IER3: variants seen among roughly 807,000 people sequenced by gnomAD.
The protein encoded by IER3 is radiation-inducible immediate-early gene IEX-1.
A neutral mutation model predicts 5.4 loss-of-function variants in IER3; 5 were observed. That is an observed-to-expected ratio of 0.92 (90% CI 0.48 to 1.94). The LOEUF (loss-of-function observed/expected upper bound fraction) is 1.94. Ranked by LOEUF, IER3 falls within the 30% of genes most tolerant of loss-of-function variation. The probability of loss-of-function intolerance (pLI) is 0.01; values close to 1 mark genes in which losing one functional copy is unlikely to be tolerated. For missense variants in IER3, 158 were observed against 218.2 expected (o/e 0.72, Z 1.74); for synonymous variants, 81 against 97.8 (o/e 0.83, Z 1.01).
At position 30,743,926 on chromosome 6, in the gene IER3, G is replaced by A. The variant is rs922034023; in HGVS notation, c.*10C>T. On this transcript the variant is annotated 3_prime_UTR_variant, in exon 2 of 2. Coordinates refer to ENST00000259874, the MANE Select transcript of IER3 (RefSeq NM_003897.4). The surrounding 1 kb of genome is among the most constrained non-coding windows in gnomAD (Gnocchi z 6.5). ...TTCGGATTCTTTTTGGGGAGTGCGG[G>A]GAGTCACAGTTAGAAGGCGGCCGGG... 3.1e-6 allele frequency: 5 copies of A among 1,606,174 alleles called. No homozygotes were observed. Among genetic ancestry groups the A allele is most frequent in the South Asian group, 1.1e-5 (1 of 90,394 alleles).
In IER3 at chr6:30,744,426, G is replaced by A. The variant is rs1282951196; in HGVS notation, c.93C>T (p.Ser31=). 6.5e-7 allele frequency: 1 copy of A among 1,549,188 alleles called. No individual in the cohort carries two copies. Among genetic ancestry groups the A allele is most frequent in the Non-Finnish European group, 8.7e-7 (1 of 1,154,508 alleles). ...GGTCGAAGGTGAAGATCTCAGGACC[G>A]GAGCCCCGCCGGGGTCCCGGGATGG... is the stretch of plus-strand genomic sequence containing the variant. ...PSTIPGPRRG[S]GPEIFTFDPL... Residue 31 remains serine (S), a synonymous_variant, in exon 1 of 2, where the codon TCC becomes TCT. Transcript: ENST00000259874. This position sits in a 1 kb window ranked among gnomAD's most constrained non-coding sequence, Gnocchi z 6.0.
Position 30,744,289 on chromosome 6 carries a change from C to T in IER3, c.210+20G>A, listed in dbSNP as rs1778240739. On this transcript the variant is annotated intron_variant, in intron 1 of 1. Coordinates refer to ENST00000259874, the MANE Select transcript of IER3 (RefSeq NM_003897.4). This position sits in a 1 kb window ranked among gnomAD's most constrained non-coding sequence, Gnocchi z 6.0. Reference sequence around the variant, plus strand: ...TCCAGGGCAGCGCACCCCGCGAATGCCCACTTCGGCGATACTCACCACTCG... The same window carrying T: ...TCCAGGGCAGCGCACCCCGCGAATGTCCACTTCGGCGATACTCACCACTCG... 1.9e-6 allele frequency: 3 copies of T among 1,612,664 alleles called. No homozygotes were observed. Among genetic ancestry groups the T allele is most frequent in the African/African-American group, 1.3e-5 (1 of 74,940 alleles).
In IER3 at chr6:30,744,472, G is replaced by T. The variant is rs200029214; in HGVS notation, c.47C>A (p.Ala16Asp). ...GATGGTGGAGGGGGCCGGGGTCGGG[G>T]CCTGCAGGATGGTCATGGTCGGGTG... is the stretch of plus-strand genomic sequence containing the variant. ...SCHPTMTILQ[A>D]PTPAPSTIPG... Residue 16 changes from alanine to aspartate, a missense_variant, in exon 1 of 2, where the codon GCC (alanine) becomes GAC (aspartate). Physicochemically the swap from Ala to Asp is moderately radical, Grantham distance 126. Transcript: ENST00000259874. This position sits in a 1 kb window ranked among gnomAD's most constrained non-coding sequence, Gnocchi z 6.0. 4.6e-4 allele frequency: 699 copies of T among 1,523,936 alleles called. 4 individuals carry two copies. The African/African-American group carries it at 8.7e-3, about 19-fold the overall frequency. 94.4% of individuals were successfully genotyped at this position (1,523,936 alleles called of 1,614,324 possible). A position where few individuals can be genotyped will look rare whatever the true frequency, so the allele number is the denominator to read the frequency against.
chr6:30,743,741 TGCCTCGGTCTCTATGC>T lies in IER3; in HGVS notation c.*179_*194del, dbSNP rs1778192770. 1.9e-5 allele frequency: 13 copies of T among 674,072 alleles called. No individual in the cohort carries two copies. Among genetic ancestry groups the T allele is most frequent in the South Asian group, 4.5e-5 (2 of 44,850 alleles). The allele number at this position is 674,072 out of a possible 1,614,324, so 41.8% of individuals were successfully genotyped here. A position where few individuals can be genotyped will look rare whatever the true frequency, so the allele number is the denominator to read the frequency against. ...ACCGGGCCTAGCCCCAGCTGGGCTGTGCCTCGGTCTCTATGCGCCTCGGTCTCTGTGCGCCTCGGTC... is the reference window on the plus strand; with the variant it reads ...ACCGGGCCTAGCCCCAGCTGGGCTGTGCCTCGGTCTCTGTGCGCCTCGGTC... On this transcript the variant is annotated 3_prime_UTR_variant, in exon 2 of 2. Coordinates refer to ENST00000259874, the MANE Select transcript of IER3 (RefSeq NM_003897.4). The surrounding 1 kb of genome is among the most constrained non-coding windows in gnomAD (Gnocchi z 6.5).
Position 30,744,204 on chromosome 6 carries a change from G to A in IER3, c.211-8C>T, listed in dbSNP as rs759371317. On this transcript the variant is annotated splice_region_variant and splice_polypyrimidine_tract_variant and intron_variant, in intron 1 of 1. Transcript: ENST00000259874. The surrounding 1 kb of genome is among the most constrained non-coding windows in gnomAD (Gnocchi z 6.0). Reference sequence around the variant, plus strand: ...TGGCAGCTGGCGCCGGACCTAAGGGGAGACAAAACAGGAGACAGGTCAGGT... The same window carrying A: ...TGGCAGCTGGCGCCGGACCTAAGGGAAGACAAAACAGGAGACAGGTCAGGT... 3 of 1,613,402 alleles carry A rather than the reference G, an allele frequency of 1.9e-6. No homozygotes were observed. Among genetic ancestry groups the A allele is most frequent in the South Asian group, 1.1e-5 (1 of 91,086 alleles).
chr6:30,744,263 C>T lies in IER3; in HGVS notation c.210+46G>A. 1 of 1,612,836 alleles carries T rather than the reference C, an allele frequency of 6.2e-7. No homozygotes were observed. Among genetic ancestry groups the T allele is most frequent in the Non-Finnish European group, 8.5e-7 (1 of 1,179,930 alleles). On this transcript the variant is annotated intron_variant, in intron 1 of 1. Coordinates refer to ENST00000259874, the MANE Select transcript of IER3 (RefSeq NM_003897.4). The surrounding 1 kb of genome is among the most constrained non-coding windows in gnomAD (Gnocchi z 6.0). ...CTGGAGTCGGGTCGTTCCCCAGTGA[C>T]TCCAGGGCAGCGCACCCCGCGAATG... is the stretch of plus-strand genomic sequence containing the variant.
At position 30,744,153 on chromosome 6, in the gene IER3, C is replaced by T; in HGVS notation, c.254G>A (p.Arg85Lys). 1 of 1,613,928 alleles carries T rather than the reference C, an allele frequency of 6.2e-7. No homozygotes were observed. Residue 85 changes from arginine to lysine, a missense_variant, in exon 2 of 2, where the codon AGG becomes AAG. By Grantham distance (26) the Arg-to-Lys change is conservative. Coordinates refer to ENST00000259874, the MANE Select transcript of IER3 (RefSeq NM_003897.4). The surrounding 1 kb of genome is among the most constrained non-coding windows in gnomAD (Gnocchi z 6.0). ...LPVEEPNPAKRLLFLLLTIVF... is the reference protein window; with the variant it reads ...LPVEEPNPAKKLLFLLLTIVF... ...GATGGTGAGCAGCAGAAAGAGAAGC[C>T]TTTTGGCTGGGTTCGGTTCCTCGAC... is the stretch of plus-strand genomic sequence containing the variant.
Position 30,743,559 on chromosome 6 carries a change from A to G in IER3, c.*377T>C. 3.9e-6 allele frequency: 1 copy of G among 258,372 alleles called. No homozygotes were observed. The highest frequency in any genetic ancestry group is 1.1e-3 in the Middle Eastern group (1 of 874). 16.0% of individuals were successfully genotyped at this position (258,372 alleles called of 1,614,324 possible). ...GTCCCACAAAGCTCAATAAATACCAAGAGACCTGCATTTACAGCAGGGGGA... is the reference window on the plus strand; with the variant it reads ...GTCCCACAAAGCTCAATAAATACCAGGAGACCTGCATTTACAGCAGGGGGA... On this transcript the variant is annotated 3_prime_UTR_variant, in exon 2 of 2. Coordinates refer to ENST00000259874, the MANE Select transcript of IER3 (RefSeq NM_003897.4). The surrounding 1 kb of genome is among the most constrained non-coding windows in gnomAD (Gnocchi z 6.5).
In IER3 at chr6:30,744,461, C is replaced by A; in HGVS notation, c.58G>T (p.Ala20Ser). 6.5e-7 allele frequency: 1 copy of A among 1,529,532 alleles called. No homozygotes were observed. Among genetic ancestry groups the A allele is most frequent in the East Asian group, 2.4e-5 (1 of 42,256 alleles). The allele number at this position is 1,529,532 out of a possible 1,614,324, so 94.7% of individuals were successfully genotyped here. ...TMTILQAPTP[A>S]PSTIPGPRRG... ...CGGGGTCCCGGGATGGTGGAGGGGG[C>A]CGGGGTCGGGGCCTGCAGGATGGTC... The change falls in exon 1 of 2, where the codon GCC becomes TCC. Residue 20 changes from alanine (A) to serine (S), a missense_variant. Ala to Ser is a moderately conservative substitution (Grantham distance 99). Transcript: ENST00000259874. This position sits in a 1 kb window ranked among gnomAD's most constrained non-coding sequence, Gnocchi z 6.0.
At position 30,743,765 on chromosome 6, in the gene IER3, T is replaced by C; in HGVS notation, c.*171A>G. ...GTGCCTCGGTCTCTATGCGCCTCGG[T>C]CTCTGTGCGCCTCGGTCCCGCCTCA... is the stretch of plus-strand genomic sequence containing the variant. On this transcript the variant is annotated 3_prime_UTR_variant, in exon 2 of 2. Transcript: ENST00000259874. This position sits in a 1 kb window ranked among gnomAD's most constrained non-coding sequence, Gnocchi z 6.5. The C allele has an allele frequency of 6.8e-6, 6 of 881,810 alleles. 1 individual carries two copies. The South Asian group carries it at 1.1e-4, about 17-fold the overall frequency. The allele number at this position is 881,810 out of a possible 1,614,324, so 54.6% of individuals were successfully genotyped here. A position where few individuals can be genotyped will look rare whatever the true frequency, so the allele number is the denominator to read the frequency against.
At position 30,743,665 on chromosome 6, in the gene IER3, T is replaced by C. The variant is rs551120111; in HGVS notation, c.*271A>G. On this transcript the variant is annotated 3_prime_UTR_variant, in exon 2 of 2. Coordinates refer to ENST00000259874, the MANE Select transcript of IER3 (RefSeq NM_003897.4). This position sits in a 1 kb window ranked among gnomAD's most constrained non-coding sequence, Gnocchi z 6.5. The stretch of plus-strand genomic sequence containing the variant: ...CTAGGAGGACGTACATAAATACATA[T>C]AAATATTAATTAGGAGCAATAAGAA... 1.8e-6 allele frequency: 1 copy of C among 541,228 alleles called. No homozygotes were observed. The highest frequency in any genetic ancestry group is 3.2e-6 in the Non-Finnish European group (1 of 312,408). The allele number at this position is 541,228 out of a possible 1,614,324, so 33.5% of individuals were successfully genotyped here.
chr6:30,744,387 G>T lies in IER3; in HGVS notation c.132C>A (p.Pro44=), dbSNP rs1465800086. The stretch of plus-strand genomic sequence containing the variant: ...TGGGGCGCCCGGCAGGGGCCGCTGC[G>T]GGCTCCGGGAGAGGGTCGAAGGTGA... ...EIFTFDPLPE[P]AAAPAGRPSA... Residue 44 remains proline (P), a synonymous_variant, in exon 1 of 2, where the codon CCC becomes CCA. Transcript: ENST00000259874. This position sits in a 1 kb window ranked among gnomAD's most constrained non-coding sequence, Gnocchi z 6.0. 1 of 1,595,714 alleles carries T rather than the reference G, an allele frequency of 6.3e-7. No individual in the cohort carries two copies. The highest frequency in any genetic ancestry group is 1.1e-5 in the South Asian group (1 of 89,742).
rs374193741 is a variant in IER3, at chr6:30,744,201, G to A, written c.211-5C>T. 1.9e-6 allele frequency: 3 copies of A among 1,613,308 alleles called. No homozygotes were observed. Among genetic ancestry groups the A allele is most frequent in the Non-Finnish European group, 2.5e-6 (3 of 1,180,046 alleles). On this transcript the variant is annotated splice_region_variant and splice_polypyrimidine_tract_variant and intron_variant, in intron 1 of 1. Coordinates refer to ENST00000259874, the MANE Select transcript of IER3 (RefSeq NM_003897.4). The surrounding 1 kb of genome is among the most constrained non-coding windows in gnomAD (Gnocchi z 6.0). ...GACTGGCAGCTGGCGCCGGACCTAA[G>A]GGGAGACAAAACAGGAGACAGGTCA...
chr6:30,743,467 C>T lies in IER3; in HGVS notation c.*469G>A, dbSNP rs1778173883. On this transcript the variant is annotated 3_prime_UTR_variant, in exon 2 of 2. Coordinates refer to ENST00000259874, the MANE Select transcript of IER3 (RefSeq NM_003897.4). This position sits in a 1 kb window ranked among gnomAD's most constrained non-coding sequence, Gnocchi z 6.5. ...GACTTCATCCCAGCCGGGACGTCCTCCCCCACCCGAGTCCTCCCCATTTCT... is the reference window on the plus strand; with the variant it reads ...GACTTCATCCCAGCCGGGACGTCCTTCCCCACCCGAGTCCTCCCCATTTCT... The T allele has an allele frequency of 5.8e-6, 1 of 171,650 alleles. No individual in the cohort carries two copies. The highest frequency in any genetic ancestry group is 2.4e-5 in the African/African-American group (1 of 41,762). The allele number at this position is 171,650 out of a possible 1,614,324, so 10.6% of individuals were successfully genotyped here.
At position 30,743,882 on chromosome 6, in the gene IER3, T is replaced by C; in HGVS notation, c.*54A>G. ...TACGCTCTCGCGCACCAGGTACGCC[T>C]GGTGTTTCTTTGTGGTTTTTCGGAT... On this transcript the variant is annotated 3_prime_UTR_variant, in exon 2 of 2. Transcript: ENST00000259874. The surrounding 1 kb of genome is among the most constrained non-coding windows in gnomAD (Gnocchi z 6.5). 6.3e-7 allele frequency: 1 copy of C among 1,585,546 alleles called. No homozygotes were observed. The highest frequency in any genetic ancestry group is 8.5e-7 in the Non-Finnish European group (1 of 1,172,580).
In IER3 at chr6:30,743,759, C is replaced by T; in HGVS notation, c.*177G>A. ...TGGGCTGTGCCTCGGTCTCTATGCGCCTCGGTCTCTGTGCGCCTCGGTCCC... is the reference window on the plus strand; with the variant it reads ...TGGGCTGTGCCTCGGTCTCTATGCGTCTCGGTCTCTGTGCGCCTCGGTCCC... On this transcript the variant is annotated 3_prime_UTR_variant, in exon 2 of 2. Coordinates refer to ENST00000259874, the MANE Select transcript of IER3 (RefSeq NM_003897.4). The surrounding 1 kb of genome is among the most constrained non-coding windows in gnomAD (Gnocchi z 6.5). 1 of 827,036 alleles carries T rather than the reference C, an allele frequency of 1.2e-6. No homozygotes were observed. Among genetic ancestry groups the T allele is most frequent in the Non-Finnish European group, 1.8e-6 (1 of 549,102 alleles). The allele number at this position is 827,036 out of a possible 1,614,324, so 51.2% of individuals were successfully genotyped here. A position where few individuals can be genotyped will look rare whatever the true frequency, so the allele number is the denominator to read the frequency against.
In IER3 at chr6:30,744,386, C is replaced by T; in HGVS notation, c.133G>A (p.Ala45Thr). 1 of 1,595,316 alleles carries T rather than the reference C, an allele frequency of 6.3e-7. No individual in the cohort carries two copies. Among genetic ancestry groups the T allele is most frequent in the Non-Finnish European group, 8.5e-7 (1 of 1,173,376 alleles). Residue 45 changes from alanine (A) to threonine (T), a missense_variant, in exon 1 of 2, where the codon GCA (alanine) becomes ACA (threonine). Coordinates refer to ENST00000259874, the MANE Select transcript of IER3 (RefSeq NM_003897.4). The surrounding 1 kb of genome is among the most constrained non-coding windows in gnomAD (Gnocchi z 6.0). Reference sequence around the variant, plus strand: ...CTGGGGCGCCCGGCAGGGGCCGCTGCGGGCTCCGGGAGAGGGTCGAAGGTG... The same window carrying T: ...CTGGGGCGCCCGGCAGGGGCCGCTGTGGGCTCCGGGAGAGGGTCGAAGGTG... The part of the protein sequence containing the change: ...IFTFDPLPEP[A>T]AAPAGRPSAS...
chr6:30,743,832 T>C lies in IER3; in HGVS notation c.*104A>G. On this transcript the variant is annotated 3_prime_UTR_variant, in exon 2 of 2. Transcript: ENST00000259874. This position sits in a 1 kb window ranked among gnomAD's most constrained non-coding sequence, Gnocchi z 6.5. ...TCCGCTGTAGTGTTCTGAGTTCAAG[T>C]TGCCTCGGAAGTCCCAGTTGGGGAT... 6.7e-6 allele frequency: 10 copies of C among 1,490,034 alleles called. No individual in the cohort carries two copies. Among genetic ancestry groups the C allele is most frequent in the Non-Finnish European group, 9.1e-6 (10 of 1,101,564 alleles). 92.3% of individuals were successfully genotyped at this position (1,490,034 alleles called of 1,614,324 possible). A position where few individuals can be genotyped will look rare whatever the true frequency, so the allele number is the denominator to read the frequency against.
At position 30,743,437 on chromosome 6, in the gene IER3, C is replaced by G. The variant is rs368749975; in HGVS notation, c.*499G>C. On this transcript the variant is annotated 3_prime_UTR_variant, in exon 2 of 2. Coordinates refer to ENST00000259874, the MANE Select transcript of IER3 (RefSeq NM_003897.4). This position sits in a 1 kb window ranked among gnomAD's most constrained non-coding sequence, Gnocchi z 6.5. ...GTCACCTCCTAAACTTACGACCCAC[C>G]ACCAGACTTCATCCCAGCCGGGACG... The G allele has an allele frequency of 1.6e-4, 27 of 166,014 alleles. 2 individuals carry two copies. Among genetic ancestry groups the G allele is most frequent in the East Asian group, 1.3e-3 (7 of 5,388 alleles). 10.3% of individuals were successfully genotyped at this position (166,014 alleles called of 1,614,324 possible).
Sources: gnomAD v4.1 joint callset for allele counts on GRCh38, gnomAD v4.1.1 for gene constraint, Gnocchi (gnomAD v3.1) non-coding constraint, MANE v1.5 for transcripts, NCBI Gene and HGNC (gene_info 2026-07-23, HGNC 2026-07-21) for gene names.